The following HS3ST2 variants were observed in gnomAD, a reference collection of about 807,000 sequenced individuals.
The protein encoded by HS3ST2 is heparan sulfate glucosamine 3-O-sulfotransferase 2.
HS3ST2 carries 17 observed loss-of-function variants against 26.3 expected under a neutral mutation model. The ratio of observed to expected loss-of-function variants is 0.65; its 90% CI spans 0.44 to 0.97. The LOEUF (loss-of-function observed/expected upper bound fraction) is 0.97, where lower values mean the gene tolerates loss of function less well. Among genes scored for constraint, HS3ST2 ranks in the 50% least tolerant of loss-of-function variants. HS3ST2 has a pLI of 0.00. For missense variants in HS3ST2, 402 were observed against 501.2 expected (o/e 0.80, Z 1.89); for synonymous variants, 237 against 219.2 (o/e 1.08, Z -0.72).
intron 1 of HS3ST2, among the ~76,000 whole-genome samples, chr16:22,874,983 C>T (rs1901894400): frequency 6.6e-6 from 1 of 152,084 alleles, no homozygotes; most frequent in African/African-American, 2.4e-5. Context: ...TAATAGTGGC[C>T]AGCATTGACA....
rs1159183388 is a variant in HS3ST2 at position 22,913,123 on chromosome 16, AAAGGAAGG to A, written c.486-1800_486-1793del. 1.9e-3 allele frequency among the ~76,000 whole-genome samples: 180 copies of A among 94,166 alleles called. 1 individual carries two copies. Among genetic ancestry groups the A allele is most frequent in the African/African-American group, 6.3e-3 (159 of 25,086 alleles). 61.8% of individuals were successfully genotyped at this position (94,166 alleles called of 152,430 possible). A position where few individuals can be genotyped will look rare whatever the true frequency, so the allele number is the denominator to read the frequency against. On this transcript the variant is annotated intron_variant, in intron 1 of 1. Coordinates refer to ENST00000261374, the MANE Select transcript of HS3ST2 (RefSeq NM_006043.2). ...AAAGAAAGAAAGAAAGAGAAGAAAG[AAAGGAAGG>A]AAGGAAGGAAGGAAGGAAGGGAGGG...
At chr16:22,875,620 A>G (rs947028142) in intron 1 of HS3ST2, among the ~76,000 whole-genome samples, 1 of 152,132 alleles carries the variant, frequency 6.6e-6, no homozygotes, top group Non-Finnish European at 1.5e-5. Context: ...TGACCTCATG[A>G]TCTGCCTGCT....
chr16:22,873,264 C>T (rs1237203517), intron 1 of HS3ST2, among the ~76,000 whole-genome samples: 4 of 152,142 alleles, frequency 2.6e-5, no homozygotes, highest in Non-Finnish European at 5.9e-5. Flanking sequence ...CTGAGCCTCA[C>T]CTTCAGTATG....
At chr16:22,868,699 T>C (rs971479296) in intron 1 of HS3ST2, among the ~76,000 whole-genome samples, 1 of 152,118 alleles carries the variant, frequency 6.6e-6, no homozygotes, top group African/African-American at 2.4e-5. Flanking sequence ...GGGCACTGAT[T>C]TGTTTCCTTT....
chr16:22,833,509 C>T, intron 1 of HS3ST2: 1 of 368,922 alleles, frequency 2.7e-6, no homozygotes, highest in South Asian at 2.0e-5. Flanking sequence ...GATGGTGTCA[C>T]TTCATAAACC....
rs1007050770 is a variant in HS3ST2 at position 22,915,666 on chromosome 16, C to G, written c.*104C>G. 7.7e-7 allele frequency: 1 copy of G among 1,306,336 alleles called. No homozygotes were observed. The highest frequency in any genetic ancestry group is 1.5e-5 in the African/African-American group (1 of 67,286). The allele number at this position is 1,306,336 out of a possible 1,614,324, so 80.9% of individuals were successfully genotyped here. A position where few individuals can be genotyped will look rare whatever the true frequency, so the allele number is the denominator to read the frequency against. ...CCTCCAACAAACCCTGGCTCCAGCC[C>G]CCTTTCCCAACTTGAGTTGCATCAT... On this transcript the variant is annotated 3_prime_UTR_variant, in exon 2 of 2. Coordinates refer to ENST00000261374, the MANE Select transcript of HS3ST2 (RefSeq NM_006043.2).
chr16:22,815,949 A>G (rs1271122259), intron 1 of HS3ST2, among the ~76,000 whole-genome samples: 6 of 152,210 alleles, frequency 3.9e-5, no homozygotes, highest in Non-Finnish European at 5.9e-5. Context: ...GGTGAAGGCT[A>G]GCAAGGGTGC....
At position 22,876,550 on chromosome 16, in the gene HS3ST2, A is replaced by G. The variant is rs368951015; in HGVS notation, c.486-38394A>G. On this transcript the variant is annotated intron_variant, in intron 1 of 1. Coordinates refer to ENST00000261374, the MANE Select transcript of HS3ST2 (RefSeq NM_006043.2). ...GAGCACTTTTATGCTGCCAGTGTCA[A>G]CGACACCACTATGGAAAACCGTGTG... Among the ~76,000 whole-genome samples the G allele has an allele frequency of 7.9e-5, 12 of 152,336 alleles. No homozygotes were observed. In the East Asian group the frequency reaches 1.5e-3, roughly 20 times the overall value.
Position 22,860,229 on chromosome 16 carries a change from A to G in HS3ST2, c.485+45134A>G, listed in dbSNP as rs532311353. ...GGAGGCCTCACAATCTTGGTGGAAG[A>G]CAAAGAGCAAAGGGACGTCTTACAT... On this transcript the variant is annotated intron_variant, in intron 1 of 1. Transcript: ENST00000261374. Among the ~76,000 whole-genome samples the G allele has an allele frequency of 4.6e-5, 7 of 152,316 alleles. No homozygotes were observed. In the East Asian group the frequency reaches 1.2e-3, roughly 25 times the overall value.
chr16:22,910,010 C>A (rs1387280892), intron 1 of HS3ST2, among the ~76,000 whole-genome samples: 3 of 125,714 alleles, frequency 2.4e-5, no homozygotes, highest in South Asian at 2.4e-4. Flanking sequence ...GCACTCCAAC[C>A]TGGGCAACAA....
chr16:22,859,059 G>C (rs891483014), intron 1 of HS3ST2, among the ~76,000 whole-genome samples: 2 of 152,162 alleles, frequency 1.3e-5, no homozygotes, highest in African/African-American at 2.4e-5. Flanking sequence ...CCAGCTACTT[G>C]AGGGGCTGAG....
At chr16:22,824,554 G>GCAAGCAAA (rs1555511545) in intron 1 of HS3ST2, among the ~76,000 whole-genome samples, 134 of 152,094 alleles carry the variant, frequency 8.8e-4, no homozygotes, top group African/African-American at 1.4e-3. Context: ...CAAAAAGCAA[G>GCAAGCAAA]CAAACAAACA....
At chr16:22,911,543 G>T (rs1281338285) in intron 1 of HS3ST2, among the ~76,000 whole-genome samples, 4 of 152,186 alleles carry the variant, frequency 2.6e-5, no homozygotes, top group Non-Finnish European at 4.4e-5. Flanking sequence ...TGTTAGCAGG[G>T]TTGGTTCCTT....
chr16:22,850,173 A>T (rs1032633779), intron 1 of HS3ST2, among the ~76,000 whole-genome samples: 1 of 152,196 alleles, frequency 6.6e-6, no homozygotes, highest in African/African-American at 2.4e-5. Context: ...CCCTTAATGG[A>T]AACCCCTTTC....
At chr16:22,852,615 G>A (rs1901533121) in intron 1 of HS3ST2, among the ~76,000 whole-genome samples, 1 of 152,104 alleles carries the variant, frequency 6.6e-6, no homozygotes, top group South Asian at 2.1e-4. Flanking sequence ...AGCCCTTAAT[G>A]ACTCTCTGCC....
intron 1 of HS3ST2, among the ~76,000 whole-genome samples, chr16:22,878,312 A>C (rs561918028): frequency 6.6e-6 from 1 of 152,346 alleles, no homozygotes; most frequent in Non-Finnish European, 1.5e-5. Flanking sequence ...TCCTTTGTTA[A>C]AGAAATAAGA....
intron 1 of HS3ST2, among the ~76,000 whole-genome samples, chr16:22,909,131 C>T (rs1225330282): frequency 6.6e-6 from 1 of 152,174 alleles, no homozygotes; most frequent in Non-Finnish European, 1.5e-5. Context: ...CTTTGTAACA[C>T]AATTGGTTCC....
At position 22,837,536 on chromosome 16, in the gene HS3ST2, C is replaced by G. The variant is rs1254375827; in HGVS notation, c.485+22441C>G. 2.8e-5 allele frequency among the ~76,000 whole-genome samples: 4 copies of G among 143,208 alleles called. No individual in the cohort carries two copies. The South Asian group carries it at 8.6e-4, about 31-fold the overall frequency. The allele number at this position is 143,208 out of a possible 152,430, so 94.0% of individuals were successfully genotyped here. A position where few individuals can be genotyped will look rare whatever the true frequency, so the allele number is the denominator to read the frequency against. ...GTATATATATACACATATATATACACAGATATATGTATATATATGTATATA... is the reference window on the plus strand; with the variant it reads ...GTATATATATACACATATATATACAGAGATATATGTATATATATGTATATA... On this transcript the variant is annotated intron_variant, in intron 1 of 1. Transcript: ENST00000261374.
chr16:22,826,679 C>T (rs970351784), intron 1 of HS3ST2, among the ~76,000 whole-genome samples: 8 of 152,108 alleles, frequency 5.3e-5, no homozygotes, highest in Admixed American at 3.9e-4. Flanking sequence ...ATACTCTTAG[C>T]AATGAGGGAT....
Sources: gnomAD v4.1 joint callset for allele counts (sites outside exome capture counted in the v4.1 genomes callset) on GRCh38, gnomAD v4.1.1 for gene constraint, MANE v1.5 for transcripts, NCBI Gene and HGNC (gene_info 2026-07-23, HGNC 2026-07-21) for gene names.